CR1: variants seen among roughly 807,000 people sequenced by gnomAD.
CR1 encodes complement C3b/C4b receptor 1 (Knops blood group), also known as complement receptor type 1.
A neutral mutation model predicts 187.3 loss-of-function variants in CR1; 116 were observed. That is an observed-to-expected ratio of 0.62 (90% confidence interval 0.53 to 0.72). The LOEUF (loss-of-function observed/expected upper bound fraction) is 0.72, where lower values mean the gene tolerates loss of function less well. CR1 is among the 30% of genes least tolerant of loss of function. The pLI, the probability that CR1 is intolerant of heterozygous loss-of-function variation, is 0.00. For synonymous variants in CR1, 576 were observed against 747.1 expected (o/e 0.77, Z 3.73); for missense variants, 1,731 against 2,110.7 (o/e 0.82, Z 3.52).
intron 4 of CR1, among the ~76,000 whole-genome samples, chr1:207,521,624 CTTTTTTTTTTTT>C (rs139203101): frequency 1.1e-5 from 1 of 88,306 alleles, no homozygotes; most frequent in African/African-American, 4.6e-5. Flanking sequence ...TGCCCTCTTC[CTTTTTTTTTTTT>C]TTTTTTTTTT....
At position 207,577,898 on chromosome 1, in the gene CR1, G is replaced by T; in HGVS notation, c.4631G>T (p.Arg1544Leu). The change falls in exon 29 of 47, where the codon CGC becomes CTC. Residue 1544 changes from arginine to leucine, a missense_variant. Arg to Leu is a moderately radical substitution (Grantham distance 102, BLOSUM62 -2). Around this residue, in one of 5 missense-constraint regions of CR1, gnomAD observed 1,312 missense variants for 1,379.6 expected, o/e 0.95. Coordinates refer to ENST00000367049, the MANE Select transcript of CR1 (RefSeq NM_000651.6). ...CACTATGGATCAGTGGTGACCTACCGCTGCAATCTTGGAAGCAGAGGGAGA... is the reference window on the plus strand; with the variant it reads ...CACTATGGATCAGTGGTGACCTACCTCTGCAATCTTGGAAGCAGAGGGAGA... ...NFHYGSVVTY[R>L]CNLGSRGRKV... 6.2e-7 allele frequency: 1 copy of T among 1,613,342 alleles called. No individual in the cohort carries two copies.
At chr1:207,617,622 G>C (rs1427699937) in intron 41 of CR1, among the ~76,000 whole-genome samples, 5 of 17,852 alleles carry the variant, frequency 2.8e-4, no homozygotes, top group African/African-American at 1.6e-3. Context: ...TAGAGAGAGA[G>C]AGAGAGAGAG....
At position 207,617,507 on chromosome 1, in the gene CR1, A is replaced by ATATATATATGTGTGTG. The variant is rs1332301171; in HGVS notation, c.6890-563_6890-562insATATATATGTGTGTGT. ...AGTATATATATATATATATATATAT[A>ATATATATATGTGTGTG]TGTGTGTGTGTGTGTGTGTGTGTGT... On this transcript the variant is annotated intron_variant, in intron 41 of 46. Coordinates refer to ENST00000367049, the MANE Select transcript of CR1 (RefSeq NM_000651.6). Among the ~76,000 whole-genome samples the ATATATATATGTGTGTG allele has an allele frequency of 1.2e-3, 55 of 47,026 alleles. 2 individuals are homozygous for ATATATATATGTGTGTG. The highest frequency in any genetic ancestry group is 2.3e-3 in the Non-Finnish European group (47 of 20,666). 30.9% of individuals were successfully genotyped at this position (47,026 alleles called of 152,430 possible). A position where few individuals can be genotyped will look rare whatever the true frequency, so the allele number is the denominator to read the frequency against.
chr1:207,616,656 A>G lies in CR1; in HGVS notation c.6743A>G (p.Glu2248Gly), dbSNP rs1488377812. ...TTTGGAGATATTCCCTATGGAAAAG[A>G]AATATCTTACGCATGCGACACCCAC... is the stretch of plus-strand genomic sequence containing the variant. ...TPFGDIPYGK[E>G]ISYACDTHPD... Residue 2248 changes from glutamate to glycine, a missense_variant, in exon 41 of 47, where the codon GAA (glutamate) becomes GGA (glycine). By Grantham distance (98) the Glu-to-Gly change is moderately conservative. Around this residue, in one of 5 missense-constraint regions of CR1, gnomAD observed 1,312 missense variants for 1,379.6 expected, o/e 0.95. Transcript: ENST00000367049. 8 of 1,613,938 alleles carry G rather than the reference A, an allele frequency of 5.0e-6. No individual in the cohort carries two copies. The highest frequency in any genetic ancestry group is 6.8e-6 in the Non-Finnish European group (8 of 1,179,824).
intron 42 of CR1, 60 bp downstream of exon 42, chr1:207,618,307 T>C: frequency 1.3e-6 from 2 of 1,499,958 alleles, no homozygotes; most frequent in South Asian, 1.2e-5. Context: ...ATGAGGCTTG[T>C]AAGGCTGAGA....
chr1:207,544,912 G>T (rs1427578388), intron 13 of CR1, among the ~76,000 whole-genome samples: 2 of 56,080 alleles, frequency 3.6e-5, no homozygotes, highest in South Asian at 9.2e-4. Context: ...CTCCTTTATT[G>T]CTTAAAATGC....
At chr1:207,511,380 G>T (rs546859347) in intron 3 of CR1, among the ~76,000 whole-genome samples, 189 bp from the exon 4 acceptor site, 1 of 152,290 alleles carries the variant, frequency 6.6e-6, no homozygotes, top group East Asian at 1.9e-4. Flanking sequence ...ATCCAATTGA[G>T]AATGTATGAA....
In CR1 at chr1:207,580,644, C is replaced by G. The variant is rs763691216; in HGVS notation, c.5216+31C>G. On this transcript the variant is annotated intron_variant, in intron 31 of 46. Transcript: ENST00000367049. ...TGTGACCCAGAATTCAGATCAGGGA[C>G]TCAGCACTGCAGAGTGACTCTTGAG... 39 of 1,570,476 alleles carry G rather than the reference C, an allele frequency of 2.5e-5. No individual in the cohort carries two copies. The Admixed American group carries it at 6.0e-4, about 24-fold the overall frequency.
At chr1:207,625,597 C>T (rs1261338230) in intron 45 of CR1, among the ~76,000 whole-genome samples, 3 of 152,318 alleles carry the variant, frequency 2.0e-5, no homozygotes, top group African/African-American at 7.2e-5. Flanking sequence ...AGGCCAGTCA[C>T]GTGGAAGAAC....
At chr1:207,524,063 G>A in intron 5 of CR1, 54 bp downstream of exon 5, 1 of 1,611,706 alleles carries the variant, frequency 6.2e-7, no homozygotes, top group Middle Eastern at 2.3e-4. Context: ...GTTGCTGTTG[G>A]ATCAGGAGAT....
chr1:207,619,052 A>AAG (rs1553301625), intron 42 of CR1, among the ~76,000 whole-genome samples: 83 of 143,938 alleles, frequency 5.8e-4, no homozygotes, highest in African/African-American at 2.0e-3. Context: ...AAAAAAAAAA[A>AAG]AAAGAAAAGA....
At chr1:207,619,768 C>A in intron 42 of CR1, 112 bp from the exon 43 acceptor site, 1 of 816,818 alleles carries the variant, frequency 1.2e-6, no homozygotes, top group Admixed American at 2.8e-5. Flanking sequence ...TAAAAACATG[C>A]TTCCTCTTAG....
rs755023746 is a variant in CR1, at chr1:207,578,078, G to C, written c.4811G>C (p.Ser1604Thr). ...GGAATATTGGTATCTGACAACAGAA[G>C]CTTATTTTCCTTAAATGAAGTTGTG... ...ENGILVSDNRSLFSLNEVVEF... is the reference protein window; with the variant it reads ...ENGILVSDNRTLFSLNEVVEF... Residue 1604 changes from serine (S) to threonine (T), a missense_variant, in exon 29 of 47, where the codon AGC becomes ACC. Physicochemically the swap from Ser to Thr is moderately conservative, Grantham distance 58 (BLOSUM62 1). Around this residue, in one of 5 missense-constraint regions of CR1, gnomAD observed 1,312 missense variants for 1,379.6 expected, o/e 0.95. Transcript: ENST00000367049. 5 of 1,611,742 alleles carry C rather than the reference G, an allele frequency of 3.1e-6. No individual in the cohort carries two copies. The South Asian group carries it at 5.5e-5, about 18-fold the overall frequency.
At chr1:207,639,324 T>C (rs1662910043) in intron 46 of CR1, 73 bp from the exon 47 acceptor site, 2 of 1,393,340 alleles carry the variant, frequency 1.4e-6, no homozygotes, top group Admixed American at 2.0e-5. Context: ...CCAAAGCTTA[T>C]CAGCCTGTAA....
chr1:207,580,350 A>G lies in CR1; in HGVS notation c.5047A>G (p.Arg1683Gly). The G allele has an allele frequency of 1.2e-6, 2 of 1,613,946 alleles. No individual in the cohort carries two copies. The highest frequency in any genetic ancestry group is 1.1e-5 in the South Asian group (1 of 91,078). Residue 1683 changes from arginine (R) to glycine (G), a missense_variant, in exon 30 of 47, where the codon AGA becomes GGA. Around this residue, in one of 5 missense-constraint regions of CR1, gnomAD observed 1,312 missense variants for 1,379.6 expected, o/e 0.95. Coordinates refer to ENST00000367049, the MANE Select transcript of CR1 (RefSeq NM_000651.6). The part of the protein sequence containing the change: ...FYSCEPGYDL[R>G]GAASLHCTPQ... Reference sequence around the variant, plus strand: ...CAGCTGTGAGCCTGGCTATGACCTCAGAGGGGCTGCGTCTCTGCACTGCAC... The same window carrying G: ...CAGCTGTGAGCCTGGCTATGACCTCGGAGGGGCTGCGTCTCTGCACTGCAC...
rs930449365 is a variant in CR1, at chr1:207,500,019, G to A, written c.121+3631G>A. Among the ~76,000 whole-genome samples, 2 of 152,092 alleles carry A rather than the reference G, an allele frequency of 1.3e-5. 1 individual carries two copies. Among genetic ancestry groups the A allele is most frequent in the Non-Finnish European group, 2.9e-5 (2 of 68,000 alleles). On this transcript the variant is annotated intron_variant, in intron 1 of 46. Coordinates refer to ENST00000367049, the MANE Select transcript of CR1 (RefSeq NM_000651.6). Reference sequence around the variant, plus strand: ...CATGTATACACATTTTTTGTCAGAGGCATTAAGTAGAAGAAATGCTGTCAG... The same window carrying A: ...CATGTATACACATTTTTTGTCAGAGACATTAAGTAGAAGAAATGCTGTCAG...
At chr1:207,627,956 C>T (rs1235702591) in intron 45 of CR1, among the ~76,000 whole-genome samples, 2 of 152,172 alleles carry the variant, frequency 1.3e-5, no homozygotes, top group Non-Finnish European at 2.9e-5. Context: ...TAGTCCCATT[C>T]ACAAGGGCTC....
rs1201913115 is a variant in CR1 at position 207,609,688 on chromosome 1, G to A, written c.6295G>A (p.Val2099Met). ...WGPKLPHCSR[V>M]CQPPPEILHG... ...GCCCAAGCTGCCACACTGCTCCAGG[G>A]GTGAGTGTGACCCATCAAGACTTTG... The change falls in exon 37 of 47, where the codon GTG becomes ATG. Residue 2099 changes from valine (V) to methionine (M), a missense_variant and splice_region_variant. Physicochemically the swap from Val to Met is conservative, Grantham distance 21. Coordinates refer to ENST00000367049, the MANE Select transcript of CR1 (RefSeq NM_000651.6). The A allele has an allele frequency of 6.4e-7, 1 of 1,570,548 alleles. No individual in the cohort carries two copies. The highest frequency in any genetic ancestry group is 8.6e-7 in the Non-Finnish European group (1 of 1,159,986).
At chr1:207,505,578 G>A (rs556199744) in intron 1 of CR1, among the ~76,000 whole-genome samples, 1 of 152,248 alleles carries the variant, frequency 6.6e-6, no homozygotes, top group East Asian at 1.9e-4. Context: ...GCTCACTCCT[G>A]TAATCCCAAC....
Sources: gnomAD v4.1 joint callset for allele counts (sites outside exome capture counted in the v4.1 genomes callset) on GRCh38, gnomAD v4.1.1 for gene constraint, gnomAD v4.1.1 regional missense constraint, MANE v1.5 for transcripts, NCBI Gene and HGNC (gene_info 2026-07-23, HGNC 2026-07-21) for gene names.